The following NAV1 variants were observed in gnomAD, a reference collection of about 807,000 sequenced individuals.
The protein encoded by NAV1 is neuron navigator 1, also known as pore membrane and/or filament interacting like protein 3.
A neutral mutation model predicts 175.2 loss-of-function variants in NAV1; 18 were observed. The ratio of observed to expected loss-of-function variants is 0.10; its 90% CI spans 0.07 to 0.15. The LOEUF is 0.15. Among genes scored for constraint, NAV1 ranks in the 10% least tolerant of loss-of-function variants. NAV1 has a pLI of 1.00. For missense variants in NAV1, 1,731 were observed against 2,436.6 expected (o/e 0.71, Z 6.10); for synonymous variants, 897 against 978.7 (o/e 0.92, Z 1.56).
In NAV1 at chr1:201,808,181, C is replaced by T; in HGVS notation, c.3845+32C>T. The T allele has an allele frequency of 3.7e-6, 6 of 1,610,094 alleles. No individual in the cohort carries two copies. Among genetic ancestry groups the T allele is most frequent in the Non-Finnish European group, 5.1e-6 (6 of 1,176,886 alleles). On this transcript the variant is annotated intron_variant, in intron 18 of 29. Transcript: ENST00000367296. The surrounding 1 kb of genome is among the most constrained non-coding windows in gnomAD (Gnocchi z 5.5). ...GCTCTTTGGCTCCCTGCCACCCAGCCTGTTACCAGTGTAAGCTGTGGGCTA... is the reference window on the plus strand; with the variant it reads ...GCTCTTTGGCTCCCTGCCACCCAGCTTGTTACCAGTGTAAGCTGTGGGCTA...
chr1:201,612,615 C>A (rs140855441), intron 2 of NAV1, among the ~76,000 whole-genome samples: 2 of 152,282 alleles, frequency 1.3e-5, no homozygotes, highest in Non-Finnish European at 2.9e-5. Flanking sequence ...AAGAAAGGGG[C>A]AAACAGGTTC....
chr1:201,785,995 G>C (rs1676719467), intron 8 of NAV1, among the ~76,000 whole-genome samples: 1 of 151,938 alleles, frequency 6.6e-6, no homozygotes, highest in Non-Finnish European at 1.5e-5. Context: ...GTTTCACCAT[G>C]TTGGCCAGGC....
chr1:201,715,907 G>T (rs1258015115), intron 2 of NAV1, among the ~76,000 whole-genome samples: 1 of 152,154 alleles, frequency 6.6e-6, no homozygotes, highest in Non-Finnish European at 1.5e-5. Context: ...AGAAAGGCAA[G>T]CCTGAAGGGT....
chr1:201,651,074 TAGAG>T (rs930226344), intron 1 of NAV1, among the ~76,000 whole-genome samples: 4 of 145,272 alleles, frequency 2.8e-5, no homozygotes, highest in Non-Finnish European at 6.1e-5. Context: ...GCCCATGTGA[TAGAG>T]AGCCCTGCTG....
At chr1:201,658,589 G>T (rs1033235751) in intron 1 of NAV1, among the ~76,000 whole-genome samples, 1 of 152,186 alleles carries the variant, frequency 6.6e-6, no homozygotes, top group Non-Finnish European at 1.5e-5. Flanking sequence ...CAGAAAAACA[G>T]GTTGGGGTGG....
chr1:201,743,303 G>A (rs1325938221), intron 3 of NAV1, among the ~76,000 whole-genome samples: 4 of 152,210 alleles, frequency 2.6e-5, no homozygotes, highest in African/African-American at 7.2e-5. Flanking sequence ...CTCAGCAAAG[G>A]TTTAGAGTTG....
intron 1 of NAV1, among the ~76,000 whole-genome samples, chr1:201,566,810 T>A (rs1374433673): frequency 6.6e-6 from 1 of 151,236 alleles, no homozygotes; most frequent in Non-Finnish European, 1.5e-5. Flanking sequence ...TTTTTTTTTT[T>A]AAAGGCAGGT....
exon 30 of NAV1, chr1:201,824,474 G>A (rs952211696): frequency 6.6e-6 from 1 of 152,110 alleles, no homozygotes; most frequent in Non-Finnish European, 1.5e-5. Context: ...GGCCACCAGG[G>A]TGCATGGGTG....
chr1:201,660,561 C>T (rs930986384), intron 1 of NAV1, among the ~76,000 whole-genome samples: 3 of 152,178 alleles, frequency 2.0e-5, no homozygotes, highest in Non-Finnish European at 4.4e-5. Flanking sequence ...AGACTCTAAT[C>T]GAGGCCATGC....
At chr1:201,607,125 T>TTC (rs1553243463) in intron 2 of NAV1, among the ~76,000 whole-genome samples, 4 of 150,356 alleles carry the variant, frequency 2.7e-5, no homozygotes, top group African/African-American at 7.3e-5. Context: ...CTTTTTTTTT[T>TTC]TTTTTTTTGA....
chr1:201,810,576 C>G lies in NAV1; in HGVS notation c.4615C>G (p.Pro1539Ala), dbSNP rs140773329. The G allele has an allele frequency of 9.9e-6, 16 of 1,613,828 alleles. No homozygotes were observed. The highest frequency in any genetic ancestry group is 1.4e-5 in the Non-Finnish European group (16 of 1,179,918). The stretch of plus-strand genomic sequence containing the variant: ...GGTGTTCGAGACGCTGATCCCCAAG[C>G]CGATGATGCAGCACTACATAAGCCT... The change falls in exon 24 of 30, where the codon CCG (proline) becomes GCG (alanine). Residue 1539 changes from proline (P) to alanine (A), a missense_variant. This residue lies in a region of NAV1 where 115 missense variants were observed against 269.4 expected (regional missense o/e 0.43). Transcript: ENST00000367296. The surrounding 1 kb of genome is among the most constrained non-coding windows in gnomAD (Gnocchi z 6.0).
Position 201,740,150 on chromosome 1 carries a change from C to A in NAV1, c.1226+21395C>A. 8.2e-7 allele frequency: 1 copy of A among 1,217,856 alleles called. No individual in the cohort carries two copies. The highest frequency in any genetic ancestry group is 1.1e-6 in the Non-Finnish European group (1 of 902,810). The allele number at this position is 1,217,856 out of a possible 1,614,324, so 75.4% of individuals were successfully genotyped here. On this transcript the variant is annotated intron_variant, in intron 3 of 29. Transcript: ENST00000367296. The surrounding 1 kb of genome is among the most constrained non-coding windows in gnomAD (Gnocchi z 4.7). The stretch of plus-strand genomic sequence containing the variant: ...GTCGGGTTTGTGGCACCCCCAGCCC[C>A]GCCGCAGCCCCCCAGTTCCGCCGCA...
chr1:201,668,233 C>T (rs929108903), intron 1 of NAV1, among the ~76,000 whole-genome samples: 2 of 152,158 alleles, frequency 1.3e-5, no homozygotes, highest in African/African-American at 2.4e-5. Context: ...CTAGGAGGCT[C>T]CCATCCCTCC....
At chr1:201,617,002 G>A (rs1470857694) in intron 2 of NAV1, among the ~76,000 whole-genome samples, 1 of 152,156 alleles carries the variant, frequency 6.6e-6, no homozygotes, top group Admixed American at 6.5e-5. Context: ...TAAGTGCAAT[G>A]TTCTTTTGAA....
chr1:201,808,617 G>A lies in NAV1; in HGVS notation c.4038+7G>A, dbSNP rs768024461. Reference sequence around the variant, plus strand: ...GACCATGCACAACATGCAGGTCAGTGTCTGGGCGGACAGCTGCAGGAAAGG... The same window carrying A: ...GACCATGCACAACATGCAGGTCAGTATCTGGGCGGACAGCTGCAGGAAAGG... On this transcript the variant is annotated splice_region_variant and intron_variant, in intron 19 of 29. Coordinates refer to ENST00000367296, the Ensembl canonical transcript of NAV1. This position sits in a 1 kb window ranked among gnomAD's most constrained non-coding sequence, Gnocchi z 5.5. 8 of 1,614,270 alleles carry A rather than the reference G, an allele frequency of 5.0e-6. No individual in the cohort carries two copies. The highest frequency in any genetic ancestry group is 1.7e-5 in the Admixed American group (1 of 60,036).
intron 7 of NAV1, among the ~76,000 whole-genome samples, chr1:201,784,680 G>T (rs1227507443): frequency 1.3e-5 from 2 of 150,962 alleles, no homozygotes; most frequent in Admixed American, 1.3e-4. Flanking sequence ...GCAACTACAG[G>T]CTCATGCCAC....
At chr1:201,716,672 A>G (rs1272630713) in intron 2 of NAV1, among the ~76,000 whole-genome samples, 1 of 152,250 alleles carries the variant, frequency 6.6e-6, no homozygotes, top group East Asian at 1.9e-4. Flanking sequence ...TGAGTTCAGG[A>G]GTTCAAGACC....
intron 2 of NAV1, among the ~76,000 whole-genome samples, chr1:201,604,637 G>T (rs966727239): frequency 8.7e-5 from 13 of 149,212 alleles, no homozygotes; most frequent in African/African-American, 3.0e-4. Context: ...AGCCGAGATC[G>T]TGCCACTGCA....
At chr1:201,545,418 ATCTC>A (rs948373737) in intron 1 of NAV1, among the ~76,000 whole-genome samples, 1 of 151,602 alleles carries the variant, frequency 6.6e-6, no homozygotes, top group South Asian at 2.1e-4. Flanking sequence ...TTGAGACAGA[ATCTC>A]TCTCTCTGTC....
Sources: gnomAD v4.1 joint callset for allele counts (sites outside exome capture counted in the v4.1 genomes callset) on GRCh38, gnomAD v4.1.1 for gene constraint, gnomAD v4.1.1 regional missense constraint, Gnocchi (gnomAD v3.1) non-coding constraint, MANE v1.5 for transcripts, NCBI Gene and HGNC (gene_info 2026-07-23, HGNC 2026-07-21) for gene names.